The following CHST1 variants were observed in gnomAD, a reference collection of about 807,000 sequenced individuals.
The protein encoded by CHST1 is Keratan sulfotransferase.
A neutral mutation model predicts 22.5 loss-of-function variants in CHST1; 10 were observed. That is an observed-to-expected ratio of 0.44 (90% CI 0.27 to 0.75). The LOEUF (loss-of-function observed/expected upper bound fraction) is 0.75. Among genes scored for constraint, CHST1 ranks in the 30% least tolerant of loss-of-function variants. The probability of loss-of-function intolerance (pLI) is 0.15; values close to 1 mark genes in which losing one functional copy is unlikely to be tolerated. For missense variants in CHST1, 439 were observed against 576.1 expected (o/e 0.76, Z 2.44); for synonymous variants, 267 against 264.5 (o/e 1.01, Z -0.09).
At chr11:45,653,585 G>A (rs1852025891) in intron 1 of CHST1, among the ~76,000 whole-genome samples, 1 of 152,192 alleles carries the variant, frequency 6.6e-6, no homozygotes, top group African/African-American at 2.4e-5. Flanking sequence ...AATGTGAATG[G>A]CTTTCAAGAA....
At chr11:45,663,944 A>T (rs1252369888) in intron 1 of CHST1, among the ~76,000 whole-genome samples, 1 of 152,206 alleles carries the variant, frequency 6.6e-6, no homozygotes, top group Non-Finnish European at 1.5e-5. Flanking sequence ...AAACAGGGTC[A>T]TCATGATGCC....
At chr11:45,657,606 C>A (rs1180023806) in intron 1 of CHST1, among the ~76,000 whole-genome samples, 1 of 152,186 alleles carries the variant, frequency 6.6e-6, no homozygotes, top group South Asian at 2.1e-4. Flanking sequence ...AATCCAAAGA[C>A]GAGTTTCATG....
At position 45,650,528 on chromosome 11, in the gene CHST1, G is replaced by C. The variant is rs1157249813; in HGVS notation, c.396C>G (p.Leu132=). 1.5e-5 allele frequency: 24 copies of C among 1,613,834 alleles called. No homozygotes were observed. Among genetic ancestry groups the C allele is most frequent in the Non-Finnish European group, 1.9e-5 (23 of 1,179,994 alleles). The stretch of plus-strand genomic sequence containing the variant: ...GCTTGATGTAGTTCTCCAGGAAGTA[G>C]AGGTCGCAGTCGTAGAGGCTCCGCA... ...DLLRSLYDCD[L]YFLENYIKPP... The change falls in exon 4 of 4, where the codon CTC becomes CTG. Residue 132 remains leucine, a synonymous_variant. Coordinates refer to ENST00000308064, the MANE Select transcript of CHST1 (RefSeq NM_003654.6).
rs773156435 is a variant in CHST1, at chr11:45,650,337, G to C, written c.587C>G (p.Ala196Gly). The C allele has an allele frequency of 3.1e-6, 5 of 1,603,254 alleles. No homozygotes were observed. The highest frequency in any genetic ancestry group is 4.2e-6 in the Non-Finnish European group (5 of 1,179,704). Reference sequence around the variant, plus strand: ...GGCCACGTGGCTGCGCTCGCGGCACGCCTCGGCCGCCACGGTCAGGTTGAG... The same window carrying C: ...GGCCACGTGGCTGCGCTCGCGGCACCCCTCGGCCGCCACGGTCAGGTTGAG... Reference protein sequence around the residue: ...GLLNLTVAAEACRERSHVAIK... With the variant: ...GLLNLTVAAEGCRERSHVAIK... The change falls in exon 4 of 4, where the codon GCG (alanine) becomes GGG (glycine). Residue 196 changes from alanine (A) to glycine (G), a missense_variant. Ala to Gly is a moderately conservative substitution (Grantham distance 60). Transcript: ENST00000308064.
In CHST1 at chr11:45,650,521, G is replaced by A. The variant is rs751808137; in HGVS notation, c.403C>T (p.Leu135=). The A allele has an allele frequency of 1.2e-5, 19 of 1,613,820 alleles. No individual in the cohort carries two copies. The highest frequency in any genetic ancestry group is 1.1e-4 in the East Asian group (5 of 44,880). The change falls in exon 4 of 4, where the codon CTG becomes TTG. Residue 135 remains leucine (L), a synonymous_variant. Coordinates refer to ENST00000308064, the MANE Select transcript of CHST1 (RefSeq NM_003654.6). The part of the protein sequence containing the change: ...RSLYDCDLYF[L]ENYIKPPPVN... ...GGCGGCGGCTTGATGTAGTTCTCCA[G>A]GAAGTAGAGGTCGCAGTCGTAGAGG...
rs750763320 is a variant in CHST1, at chr11:45,650,755, GGTT to G, written c.166_168del (p.Asn56del). On this transcript the variant is annotated inframe_deletion, in exon 4 of 4. Transcript: ENST00000308064. ...ATGAGGATGTGGGTCTTGCGGGAGA[GGTT>G]GTAGGCGAAGGTGGGGCTCTCCTCG... 2 of 1,614,044 alleles carry G rather than the reference GGTT, an allele frequency of 1.2e-6. No homozygotes were observed. The highest frequency in any genetic ancestry group is 2.7e-5 in the African/African-American group (2 of 74,942).
chr11:45,650,861 C>T lies in CHST1; in HGVS notation c.63G>A (p.Thr21=), dbSNP rs1251218406. ...LALASIAIQY[T]AIRTFTAKSF... The stretch of plus-strand genomic sequence containing the variant: ...ACTTGGCGGTGAAGGTGCGGATGGC[C>T]GTGTACTGGATGGCAATGGAGGCCA... The change falls in exon 4 of 4, where the codon ACG becomes ACA. Residue 21 remains threonine (T), a synonymous_variant. Coordinates refer to ENST00000308064, the MANE Select transcript of CHST1 (RefSeq NM_003654.6). 2 of 1,581,744 alleles carry T rather than the reference C, an allele frequency of 1.3e-6. No homozygotes were observed. The highest frequency in any genetic ancestry group is 2.2e-5 in the East Asian group (1 of 44,576).
At chr11:45,659,601 C>T (rs770230618) in intron 1 of CHST1, among the ~76,000 whole-genome samples, 4 of 152,206 alleles carry the variant, frequency 2.6e-5, no homozygotes, top group Admixed American at 6.5e-5. Context: ...GTTTTCCCTC[C>T]CCAGCTGAAC....
chr11:45,654,447 C>A (rs749365574), intron 1 of CHST1, among the ~76,000 whole-genome samples: 39 of 152,236 alleles, frequency 2.6e-4, no homozygotes, highest in African/African-American at 9.4e-4. Flanking sequence ...GGAAGTCCAG[C>A]CCTCCTGGAA....
chr11:45,654,526 G>T (rs572715163), intron 1 of CHST1, among the ~76,000 whole-genome samples: 1 of 152,224 alleles, frequency 6.6e-6, no homozygotes, highest in African/African-American at 2.4e-5. Context: ...TATGCTAAAG[G>T]CATCTGCCCT....
chr11:45,664,493 C>G (rs943527211), intron 1 of CHST1, among the ~76,000 whole-genome samples: 40 of 152,256 alleles, frequency 2.6e-4, no homozygotes, highest in African/African-American at 8.7e-4. Context: ...CTCAGGCAGC[C>G]TGGCCTTTTA....
At position 45,650,952 on chromosome 11, in the gene CHST1, C is replaced by T. The variant is rs748629091; in HGVS notation, c.-29G>A. 5.0e-5 allele frequency: 76 copies of T among 1,518,186 alleles called. No individual in the cohort carries two copies. The Admixed American group carries it at 1.4e-3, about 29-fold the overall frequency. The allele number at this position is 1,518,186 out of a possible 1,614,324, so 94.0% of individuals were successfully genotyped here. On this transcript the variant is annotated 5_prime_UTR_variant, in exon 4 of 4. Coordinates refer to ENST00000308064, the MANE Select transcript of CHST1 (RefSeq NM_003654.6). Reference sequence around the variant, plus strand: ...TGGGCACCTTCATGGGGCTGCTTCTCCAAGGGGTGAGGTCTGTGGGCAAAG... The same window carrying T: ...TGGGCACCTTCATGGGGCTGCTTCTTCAAGGGGTGAGGTCTGTGGGCAAAG...
intron 1 of CHST1, among the ~76,000 whole-genome samples, chr11:45,653,153 G>A (rs566566112): frequency 5.9e-5 from 9 of 152,162 alleles, no homozygotes; most frequent in African/African-American, 2.2e-4. Flanking sequence ...CTTTGGGAGC[G>A]GGTGAGTGGA....
At position 45,648,410 on chromosome 11, in the gene CHST1, G is replaced by A. The variant is rs1427203021; in HGVS notation, c.*1278C>T. ...AAGGAAAAAAAAAACGGCTGGGTGA[G>A]GTGGCTCAAGTCTGCAATCCCAGCA... On this transcript the variant is annotated 3_prime_UTR_variant, in exon 4 of 4. Transcript: ENST00000308064. Among the ~76,000 whole-genome samples, 1 of 152,054 alleles carries A rather than the reference G, an allele frequency of 6.6e-6. No homozygotes were observed. Among genetic ancestry groups the A allele is most frequent in the East Asian group, 1.9e-4 (1 of 5,200 alleles).
At chr11:45,658,042 T>C (rs1852084242) in intron 1 of CHST1, among the ~76,000 whole-genome samples, 1 of 152,170 alleles carries the variant, frequency 6.6e-6, no homozygotes, top group South Asian at 2.1e-4. Context: ...AGCACTCCAA[T>C]GTCCACATGA....
At chr11:45,659,678 C>T (rs925418669) in intron 1 of CHST1, among the ~76,000 whole-genome samples, 1 of 152,162 alleles carries the variant, frequency 6.6e-6, no homozygotes, top group African/African-American at 2.4e-5. Context: ...GGCAGAAGTC[C>T]AAACACACTG....
chr11:45,649,955 C>G lies in CHST1; in HGVS notation c.969G>C (p.Pro323=), dbSNP rs200393163. 1.2e-6 allele frequency: 2 copies of G among 1,613,280 alleles called. No homozygotes were observed. The highest frequency in any genetic ancestry group is 1.7e-5 in the Admixed American group (1 of 60,018). ...TCCAGCGGGCCACGTGGCTGTCCAG[C>G]GGGATGCCCAGGAACCCGTAGATCT... ...TEEIYGFLGI[P]LDSHVARWIQ... The change falls in exon 4 of 4, where the codon CCG becomes CCC. Residue 323 remains proline (P), a synonymous_variant. Coordinates refer to ENST00000308064, the MANE Select transcript of CHST1 (RefSeq NM_003654.6).
rs770842358 is a variant in CHST1 at position 45,650,339 on chromosome 11, C to T, written c.585G>A (p.Glu195=). 1.2e-6 allele frequency: 2 copies of T among 1,603,460 alleles called. No homozygotes were observed. Among genetic ancestry groups the T allele is most frequent in the East Asian group, 2.2e-5 (1 of 44,862 alleles). The stretch of plus-strand genomic sequence containing the variant: ...CCACGTGGCTGCGCTCGCGGCACGC[C>T]TCGGCCGCCACGGTCAGGTTGAGTA... ...CGLLNLTVAA[E]ACRERSHVAI... Residue 195 remains glutamate, a synonymous_variant, in exon 4 of 4, where the codon GAG becomes GAA. Transcript: ENST00000308064.
chr11:45,660,075 C>A (rs1349751156), intron 1 of CHST1, among the ~76,000 whole-genome samples: 6 of 152,212 alleles, frequency 3.9e-5, no homozygotes, highest in Admixed American at 1.3e-4. Flanking sequence ...ACAGGGACCT[C>A]CATTGTAGAA....
Sources: allele counts gnomAD v4.1 joint callset (sites outside exome capture counted in the v4.1 genomes callset), GRCh38; gene constraint gnomAD v4.1.1; transcripts MANE v1.5; gene names NCBI Gene and HGNC (gene_info 2026-07-23, HGNC 2026-07-21).